Variants in GABRG3 observed in about 807,000 individuals in gnomAD.
The protein encoded by GABRG3 is gamma-aminobutyric acid type A receptor subunit gamma3.
Under a neutral mutation model 48.8 loss-of-function variants are expected in GABRG3, and 25 were observed. The observed-to-expected ratio is 0.51, with a 90% CI of 0.37 to 0.72. GABRG3 has a LOEUF of 0.72. GABRG3 is among the 30% of genes least tolerant of loss of function. The pLI, the probability that GABRG3 is intolerant of heterozygous loss-of-function variation, is 0.00. For synonymous variants in GABRG3, 227 were observed against 217.6 expected, an observed-to-expected ratio of 1.04 and a Z score of -0.38; for missense variants, 394 against 577.9, an observed-to-expected ratio of 0.68 and a Z score of 3.26.
At chr15:27,426,143 G>T (rs1273924256) in intron 5 of GABRG3, among the ~76,000 whole-genome samples, 1 of 152,142 alleles carries the variant, frequency 6.6e-6, no homozygotes, top group Non-Finnish European at 1.5e-5. Context: ...TCAGAGCTCT[G>T]GTCCAAGATG....
At chr15:27,026,309 G>A (rs1895982132) in intron 2 of GABRG3, among the ~76,000 whole-genome samples, 1 of 152,200 alleles carries the variant, frequency 6.6e-6, no homozygotes, top group South Asian at 2.1e-4. Context: ...TAGCTTGACA[G>A]CTATGTGGTG....
At chr15:27,132,062 T>C (rs1271481798) in intron 3 of GABRG3, among the ~76,000 whole-genome samples, 1 of 152,128 alleles carries the variant, frequency 6.6e-6, no homozygotes, top group Non-Finnish European at 1.5e-5. Context: ...TTTGCAAATA[T>C]TTTCTTCCAT....
chr15:27,357,973 T>C (rs1365014239), intron 5 of GABRG3, among the ~76,000 whole-genome samples: 4 of 152,244 alleles, frequency 2.6e-5, no homozygotes, highest in African/African-American at 4.8e-5. Context: ...TTGGAAAATA[T>C]TGGTTCACAG....
intron 6 of GABRG3, among the ~76,000 whole-genome samples, chr15:27,489,298 T>C (rs563838701): frequency 3.9e-5 from 6 of 152,334 alleles, no homozygotes; most frequent in African/African-American, 1.4e-4. Context: ...TTTGGGTTGG[T>C]TCCAAGTCTT....
intron 3 of GABRG3, among the ~76,000 whole-genome samples, chr15:27,096,695 A>G (rs1424499728): frequency 1.3e-5 from 2 of 152,218 alleles, no homozygotes; most frequent in East Asian, 3.8e-4. Flanking sequence ...ATAAATTCAT[A>G]CTGGGTCAGA....
At chr15:27,529,726 G>A (rs1052299709) in intron 9 of GABRG3, among the ~76,000 whole-genome samples, 1 of 152,082 alleles carries the variant, frequency 6.6e-6, no homozygotes, top group African/African-American at 2.4e-5. Flanking sequence ...AAAACAGAGG[G>A]GAGAGGGGAA....
chr15:27,374,141 T>C (rs1464794639), intron 5 of GABRG3, among the ~76,000 whole-genome samples: 11 of 106,226 alleles, frequency 1.0e-4, no homozygotes, highest in East Asian at 2.0e-4. Flanking sequence ...TTTTCTTCTT[T>C]TTTTTTTTTT....
At chr15:27,307,149 A>T (rs1892597436) in intron 3 of GABRG3, among the ~76,000 whole-genome samples, 1 of 133,882 alleles carries the variant, frequency 7.5e-6, no homozygotes, top group Non-Finnish European at 1.5e-5. Flanking sequence ...TACATATATA[A>T]ACATATAAAA....
At chr15:27,467,134 C>A (rs1231318805) in intron 5 of GABRG3, among the ~76,000 whole-genome samples, 2 of 152,134 alleles carry the variant, frequency 1.3e-5, no homozygotes, top group Non-Finnish European at 2.9e-5. Context: ...TGTCAGCAGA[C>A]CCGGTGTCTG....
Position 27,208,904 on chromosome 15 carries a change from A to G in GABRG3, c.271-117905A>G, listed in dbSNP as rs564575303. On this transcript the variant is annotated intron_variant, in intron 3 of 9. Coordinates refer to ENST00000615808, the MANE Select transcript of GABRG3 (RefSeq NM_033223.5). Reference sequence around the variant, plus strand: ...AATTTTTGGAGGACACTACAGAGCAACCCTGGCCACACATATAATTTCACA... The same window carrying G: ...AATTTTTGGAGGACACTACAGAGCAGCCCTGGCCACACATATAATTTCACA... 5.9e-5 allele frequency among the ~76,000 whole-genome samples: 9 copies of G among 152,258 alleles called. No homozygotes were observed. The East Asian group carries it at 1.7e-3, about 29-fold the overall frequency.
At chr15:27,398,721 A>G (rs1566823784) in intron 5 of GABRG3, among the ~76,000 whole-genome samples, 3 of 152,126 alleles carry the variant, frequency 2.0e-5, no homozygotes, top group Admixed American at 1.3e-4. Context: ...AAGACATTGT[A>G]TAATTAAGTA....
chr15:27,020,689 T>C (rs1219991289), intron 2 of GABRG3, among the ~76,000 whole-genome samples: 1 of 152,058 alleles, frequency 6.6e-6, no homozygotes. Flanking sequence ...AGTGCTGGGA[T>C]TACCGGCTTG....
intron 5 of GABRG3, among the ~76,000 whole-genome samples, chr15:27,418,590 C>T (rs907523175): frequency 8.5e-5 from 13 of 152,208 alleles, no homozygotes; most frequent in Admixed American, 7.2e-4. Context: ...TGGCCCCCAC[C>T]GGTGAGGCTT....
intron 1 of GABRG3, among the ~76,000 whole-genome samples, chr15:26,973,145 G>T (rs1201450959): frequency 6.6e-6 from 1 of 152,144 alleles, no homozygotes; most frequent in East Asian, 1.9e-4. Context: ...CAACTGTTTA[G>T]GTCTCTGGAT....
intron 3 of GABRG3, among the ~76,000 whole-genome samples, chr15:27,084,055 C>T (rs1230273880): frequency 2.0e-5 from 3 of 152,210 alleles, no homozygotes. Context: ...TCAGGCCTCA[C>T]CCCACCTGAG....
At chr15:27,308,877 CAG>C (rs1451245526) in intron 3 of GABRG3, among the ~76,000 whole-genome samples, 13 of 149,834 alleles carry the variant, frequency 8.7e-5, no homozygotes, top group South Asian at 4.3e-4. Flanking sequence ...TTTATAAAAA[CAG>C]AATTTAAACA....
intron 5 of GABRG3, among the ~76,000 whole-genome samples, chr15:27,351,562 T>C (rs1158062809): frequency 3.4e-5 from 5 of 149,174 alleles, no homozygotes; most frequent in Non-Finnish European, 7.5e-5. Flanking sequence ...TTTGTGTGTG[T>C]ATGGTGTATG....
At chr15:27,256,559 G>A (rs1310440548) in intron 3 of GABRG3, among the ~76,000 whole-genome samples, 1 of 152,144 alleles carries the variant, frequency 6.6e-6, no homozygotes, top group East Asian at 1.9e-4. Flanking sequence ...AGACATTTCG[G>A]GGTGCCAGCA....
intron 3 of GABRG3, among the ~76,000 whole-genome samples, chr15:27,320,658 A>G (rs1252466743): frequency 2.0e-5 from 3 of 152,148 alleles, no homozygotes; most frequent in African/African-American, 7.2e-5. Context: ...AATCATTGTC[A>G]TGGAAGGTCG....
Sources: allele counts gnomAD v4.1 joint callset (sites outside exome capture counted in the v4.1 genomes callset), GRCh38; gene constraint gnomAD v4.1.1; transcripts MANE v1.5; gene names NCBI Gene and HGNC (gene_info 2026-07-23, HGNC 2026-07-21).